The following TNKS variants were observed in gnomAD, a reference collection of about 807,000 sequenced individuals.
The protein encoded by TNKS is poly [ADP-ribose] polymerase tankyrase-1.
In TNKS, 72 loss-of-function variants were observed where a neutral mutation model predicts 135.8. That is an observed-to-expected ratio of 0.53 (90% confidence interval 0.44 to 0.64). TNKS has a LOEUF of 0.64. Among genes scored for constraint, TNKS ranks in the 30% least tolerant of loss-of-function variants. TNKS has a pLI of 0.00. For synonymous variants in TNKS, 849 were observed against 649.3 expected (o/e 1.31, Z -4.68); for missense variants, 1,769 against 1,674.0 (o/e 1.06, Z -0.99).
Position 9,720,468 on chromosome 8 carries a change from C to T in TNKS, c.1844C>T (p.Ser615Phe), listed in dbSNP as rs544319852. The change falls in exon 12 of 27, where the codon TCT (serine) becomes TTT (phenylalanine). Residue 615 changes from serine to phenylalanine, a missense_variant. Ser to Phe is a radical substitution (Grantham distance 155). Transcript: ENST00000310430. Reference sequence around the variant, plus strand: ...TGCCGCCTCCTGCTGAGTTACGGCTCTGACCCCTCCATCATCTCCTTACAA... The same window carrying T: ...TGCCGCCTCCTGCTGAGTTACGGCTTTGACCCCTCCATCATCTCCTTACAA... ...QTCRLLLSYG[S>F]DPSIISLQGF... The T allele has an allele frequency of 6.2e-7, 1 of 1,614,176 alleles. No individual in the cohort carries two copies. Among genetic ancestry groups the T allele is most frequent in the Non-Finnish European group, 8.5e-7 (1 of 1,180,026 alleles).
chr8:9,571,611 C>T (rs1375172104), intron 1 of TNKS, among the ~76,000 whole-genome samples: 3 of 152,136 alleles, frequency 2.0e-5, no homozygotes, highest in Admixed American at 6.6e-5. Context: ...GTGCCCACCA[C>T]CACGCCTGGC....
At chr8:9,609,591 A>G (rs973533538) in intron 2 of TNKS, among the ~76,000 whole-genome samples, 28 of 152,192 alleles carry the variant, frequency 1.8e-4, no homozygotes, top group African/African-American at 6.5e-4. Context: ...GACAGCTTCC[A>G]TACACGTTTA....
chr8:9,565,585 G>T (rs979666425), intron 1 of TNKS, among the ~76,000 whole-genome samples: 3 of 152,100 alleles, frequency 2.0e-5, no homozygotes, highest in African/African-American at 4.8e-5. Flanking sequence ...AACCAGCCAG[G>T]CGTGGTGGCT....
intron 2 of TNKS, among the ~76,000 whole-genome samples, chr8:9,587,649 G>A (rs928049313): frequency 7.9e-5 from 12 of 151,956 alleles, no homozygotes; most frequent in Non-Finnish European, 1.3e-4. Flanking sequence ...TGATCCGCCC[G>A]CCTCGGCCTC....
chr8:9,587,769 G>C (rs970405376), intron 2 of TNKS, among the ~76,000 whole-genome samples: 2 of 152,200 alleles, frequency 1.3e-5, no homozygotes, highest in South Asian at 2.1e-4. Flanking sequence ...AGGAGAGTAA[G>C]TTTGTTGTTG....
At position 9,767,607 on chromosome 8, in the gene TNKS, G is replaced by A. The variant is rs911028358; in HGVS notation, c.3740+1182G>A. On this transcript the variant is annotated intron_variant, in intron 25 of 26. Coordinates refer to ENST00000310430, the MANE Select transcript of TNKS (RefSeq NM_003747.3). ...TTATTGCCATCAGCCATTTGGAGTC[G>A]GATGTCATATACCCGGAAGGAAACT... 4.6e-5 allele frequency among the ~76,000 whole-genome samples: 7 copies of A among 152,022 alleles called. No individual in the cohort carries two copies. The East Asian group carries it at 5.8e-4, about 13-fold the overall frequency.
intron 3 of TNKS, among the ~76,000 whole-genome samples, chr8:9,666,564 A>T (rs1261550716): frequency 6.6e-6 from 1 of 152,058 alleles, no homozygotes; most frequent in East Asian, 1.9e-4. Context: ...TACTAAAAAT[A>T]CAAAAATTAG....
At chr8:9,700,041 C>T (rs1215407664) in intron 5 of TNKS, among the ~76,000 whole-genome samples, 1 of 152,138 alleles carries the variant, frequency 6.6e-6, no homozygotes, top group African/African-American at 2.4e-5. Context: ...AAAGTCTCAG[C>T]TCAGAAAGCG....
At chr8:9,769,680 C>T (rs577006875) in intron 25 of TNKS, among the ~76,000 whole-genome samples, 15 of 131,250 alleles carry the variant, frequency 1.1e-4, no homozygotes, top group Admixed American at 4.6e-4. Flanking sequence ...AGTGCAGTGG[C>T]GCGATCTCGG....
chr8:9,559,338 G>A (rs1166624133), intron 1 of TNKS, among the ~76,000 whole-genome samples: 1 of 152,070 alleles, frequency 6.6e-6, no homozygotes, highest in East Asian at 1.9e-4. Flanking sequence ...AAAAGGGTGA[G>A]CCCAAGCTAG....
At chr8:9,710,704 G>C (rs988553852) in intron 11 of TNKS, among the ~76,000 whole-genome samples, 1 of 152,136 alleles carries the variant, frequency 6.6e-6, no homozygotes, top group Admixed American at 6.6e-5. Context: ...AGACCATCCT[G>C]GCTAAGACGG....
chr8:9,698,423 T>G (rs1290884182), intron 5 of TNKS, among the ~76,000 whole-genome samples: 1 of 146,358 alleles, frequency 6.8e-6, no homozygotes, highest in Non-Finnish European at 1.5e-5. Context: ...AATAAGATGA[T>G]GATAAATAAT....
At chr8:9,758,215 C>T (rs1363850988) in intron 20 of TNKS, among the ~76,000 whole-genome samples, 3 of 152,066 alleles carry the variant, frequency 2.0e-5, no homozygotes, top group South Asian at 2.1e-4. Context: ...GAGTACACAA[C>T]AAATATTGTG....
At chr8:9,756,209 A>G (rs892215767) in intron 20 of TNKS, among the ~76,000 whole-genome samples, 1 of 152,178 alleles carries the variant, frequency 6.6e-6, no homozygotes, top group African/African-American at 2.4e-5. Context: ...AGACAAAAGC[A>G]TGGCCTCCCA....
Position 9,651,691 on chromosome 8 carries a change from C to T in TNKS, c.995-28260C>T, listed in dbSNP as rs118168231. ...ATGTCATTAGTCAGAAAGCAAGTCA[C>T]TAGGAGGAAAAGATTGTTGGCCACT... On this transcript the variant is annotated intron_variant, in intron 3 of 26. Transcript: ENST00000310430. Among the ~76,000 whole-genome samples, 896 of 152,248 alleles carry T rather than the reference C, an allele frequency of 5.9e-3. 5 individuals are homozygous for T. Among genetic ancestry groups the T allele is most frequent in the Middle Eastern group, 0.034 (10 of 294 alleles).
At chr8:9,583,157 T>C (rs1304683052) in intron 2 of TNKS, among the ~76,000 whole-genome samples, 5 of 135,742 alleles carry the variant, frequency 3.7e-5, no homozygotes, top group Non-Finnish European at 7.7e-5. Flanking sequence ...AGAGCGAGAC[T>C]CTGTCTCAAA....
chr8:9,765,478 G>A (rs774145651), intron 23 of TNKS, among the ~76,000 whole-genome samples: 5 of 151,734 alleles, frequency 3.3e-5, no homozygotes, highest in African/African-American at 4.8e-5. Flanking sequence ...TAACAGCCAG[G>A]TCTGGTATAG....
intron 20 of TNKS, among the ~76,000 whole-genome samples, chr8:9,754,186 G>T (rs1470176933): frequency 6.6e-6 from 1 of 152,252 alleles, no homozygotes; most frequent in African/African-American, 2.4e-5. Context: ...AGGTTCTGGG[G>T]ATTAGAACAT....
At chr8:9,731,187 T>C in intron 14 of TNKS, 152 bp downstream of exon 14, 2 of 1,071,630 alleles carry the variant, frequency 1.9e-6, no homozygotes, top group Non-Finnish European at 2.5e-6. Context: ...GTGCCAGGCA[T>C]GGTGGCTCAC....
Sources: gnomAD v4.1 joint callset for allele counts (sites outside exome capture counted in the v4.1 genomes callset) on GRCh38, gnomAD v4.1.1 for gene constraint, MANE v1.5 for transcripts, NCBI Gene and HGNC (gene_info 2026-07-23, HGNC 2026-07-21) for gene names.